Variants in PNPLA5 observed in about 807,000 individuals in gnomAD.
PNPLA5 encodes patatin-like phospholipase domain-containing protein 5.
A neutral mutation model predicts 49.1 loss-of-function variants in PNPLA5; 44 were observed. The observed-to-expected ratio is 0.90, with a 90% CI of 0.70 to 1.15. The LOEUF (loss-of-function observed/expected upper bound fraction) is 1.15. Among genes scored for constraint, PNPLA5 ranks in the 50% most tolerant of loss-of-function variants. The pLI, the probability that PNPLA5 is intolerant of heterozygous loss-of-function variation, is 0.00. For missense variants in PNPLA5, 603 were observed against 564.0 expected (o/e 1.07, Z -0.70); for synonymous variants, 243 against 244.4 (o/e 0.99, Z 0.06).
At position 43,880,280 on chromosome 22, in the gene PNPLA5, C is replaced by T. The variant is rs2049594413; in HGVS notation, c.*515G>A. 2 of 397,782 alleles carry T rather than the reference C, an allele frequency of 5.0e-6. No homozygotes were observed. Among genetic ancestry groups the T allele is most frequent in the Non-Finnish European group, 8.8e-6 (2 of 226,108 alleles). 24.6% of individuals were successfully genotyped at this position (397,782 alleles called of 1,614,324 possible). The stretch of plus-strand genomic sequence containing the variant: ...CTGCCAGGGCCTTCCACCCTCTGGA[C>T]CTGATAGGAATTCAGAAGTCAAGGT... On this transcript the variant is annotated 3_prime_UTR_variant, in exon 9 of 9. Coordinates refer to ENST00000216177, the MANE Select transcript of PNPLA5 (RefSeq NM_138814.4).
intron 7 of PNPLA5, 47 bp from the exon 8 acceptor site, chr22:43,881,721 G>A (rs377489963): frequency 6.3e-7 from 1 of 1,595,150 alleles, no homozygotes. Context: ...CCTGGGGTGT[G>A]GCCCCACCAA....
intron 2 of PNPLA5, 122 bp downstream of exon 2, chr22:43,890,940 G>GCCCCCCCCC: frequency 7.7e-7 from 1 of 1,298,162 alleles, no homozygotes; most frequent in Non-Finnish European, 1.0e-6. Context: ...CTACAAACAG[G>GCCCCCCCCC]TCCACCCGCC....
intron 5 of PNPLA5, among the ~76,000 whole-genome samples, chr22:43,887,268 GC>G (rs1450660212): frequency 6.6e-6 from 1 of 152,008 alleles, no homozygotes; most frequent in Non-Finnish European, 1.5e-5. Flanking sequence ...AGCCCTCCTT[GC>G]CTACCCCCAA....
intron 1 of PNPLA5, 182 bp downstream of exon 1, chr22:43,891,506 G>A: frequency 1.2e-6 from 1 of 868,926 alleles, no homozygotes; most frequent in Non-Finnish European, 1.4e-6. Context: ...TCTGAGCCAC[G>A]ATCCCTCCTC....
Position 43,891,176 on chromosome 22 carries a change from C to G in PNPLA5, c.312G>C (p.Leu104=). The change falls in exon 2 of 9, where the codon CTG becomes CTC. Residue 104 remains leucine (L), a synonymous_variant. Transcript: ENST00000216177. ...EHVKQQLQDA[L]PPDAHVLASQ... Reference sequence around the variant, plus strand: ...AGGCCAGGACGTGGGCGTCGGGGGGCAGAGCATCCTGCAGCTGCTGCTTGA... The same window carrying G: ...AGGCCAGGACGTGGGCGTCGGGGGGGAGAGCATCCTGCAGCTGCTGCTTGA... The G allele has an allele frequency of 1.3e-6, 2 of 1,597,782 alleles. No homozygotes were observed. The highest frequency in any genetic ancestry group is 1.7e-6 in the Non-Finnish European group (2 of 1,169,746).
chr22:43,891,392 C>T (rs2049722095), intron 1 of PNPLA5, 98 bp from the exon 2 acceptor site: 3 of 1,431,162 alleles, frequency 2.1e-6, no homozygotes, highest in Non-Finnish European at 9.1e-7. Flanking sequence ...GGAGCGGGGT[C>T]CTCCCCACTC....
rs1391393568 is a variant in PNPLA5, at chr22:43,891,175, G to T, written c.313C>A (p.Pro105Thr). 1.9e-6 allele frequency: 3 copies of T among 1,598,296 alleles called. No individual in the cohort carries two copies. The South Asian group carries it at 3.3e-5, about 18-fold the overall frequency. Residue 105 changes from proline (P) to threonine (T), a missense_variant, in exon 2 of 9, where the codon CCC (proline) becomes ACC (threonine). Pro to Thr is a conservative substitution (Grantham distance 38). Transcript: ENST00000216177. ...HVKQQLQDALPPDAHVLASQR... is the reference protein window; with the variant it reads ...HVKQQLQDALTPDAHVLASQR... ...GAGGCCAGGACGTGGGCGTCGGGGG[G>T]CAGAGCATCCTGCAGCTGCTGCTTG...
intron 6 of PNPLA5, 74 bp downstream of exon 6, chr22:43,886,229 A>C: frequency 1.3e-6 from 2 of 1,504,702 alleles, no homozygotes; most frequent in South Asian, 2.7e-5. Context: ...GAGTGCCTTC[A>C]AGGCAGGGTC....
intron 8 of PNPLA5, 29 bp downstream of exon 8, chr22:43,881,528 CT>C (rs1603412142): frequency 6.5e-7 from 1 of 1,547,436 alleles, no homozygotes; most frequent in Non-Finnish European, 8.7e-7. Context: ...CAGCCACCCC[CT>C]CTCCATCCCT....
chr22:43,891,316 G>A, intron 1 of PNPLA5, 22 bp from the exon 2 acceptor site: 5 of 1,542,670 alleles, frequency 3.2e-6, no homozygotes, highest in Non-Finnish European at 3.5e-6. Context: ...GCAGGGAAAG[G>A]GAGACCTCAG....
chr22:43,888,210 C>T (rs553785280), intron 4 of PNPLA5, among the ~76,000 whole-genome samples: 2 of 152,290 alleles, frequency 1.3e-5, no homozygotes, highest in Admixed American at 6.5e-5. Context: ...AGTGCCTCAG[C>T]TTCCTTATCT....
chr22:43,888,793 A>G (rs567768484), intron 4 of PNPLA5, among the ~76,000 whole-genome samples: 4 of 152,266 alleles, frequency 2.6e-5, no homozygotes, highest in South Asian at 4.1e-4. Context: ...ACCAAGGGGT[A>G]AAAAAACGCT....
At chr22:43,891,548 C>A (rs2049723384) in intron 1 of PNPLA5, 140 bp downstream of exon 1, 1 of 1,274,900 alleles carries the variant, frequency 7.8e-7, no homozygotes, top group South Asian at 1.6e-5. Flanking sequence ...CCCCAGCACT[C>A]GGTGTTCTCA....
At chr22:43,889,991 G>A in intron 2 of PNPLA5, 127 bp from the exon 3 acceptor site, 3 of 1,460,526 alleles carry the variant, frequency 2.1e-6, no homozygotes, top group Non-Finnish European at 2.7e-6. Context: ...CCAGATGAGG[G>A]AGCTGAGGCA....
chr22:43,883,265 G>A lies in PNPLA5; in HGVS notation c.1082+948C>T, dbSNP rs111521217. ...GAAGCCAGTGTAGACCTCTCCCAGG[G>A]AACCTCTAGGTGGCGCTGTAGTTAC... is the stretch of plus-strand genomic sequence containing the variant. On this transcript the variant is annotated intron_variant, in intron 7 of 8. Coordinates refer to ENST00000216177, the MANE Select transcript of PNPLA5 (RefSeq NM_138814.4). Among the ~76,000 whole-genome samples, 83 of 152,294 alleles carry A rather than the reference G, an allele frequency of 5.4e-4. No individual in the cohort carries two copies. In the Middle Eastern group the frequency reaches 0.031, roughly 56 times the overall value.
intron 7 of PNPLA5, among the ~76,000 whole-genome samples, chr22:43,883,686 C>T (rs1262657729): frequency 2.6e-5 from 4 of 152,102 alleles, no homozygotes; most frequent in Non-Finnish European, 2.9e-5. Context: ...CGGTGGGCAC[C>T]TGTGGTCCCA....
rs2049638887 is a variant in PNPLA5 at position 43,884,220 on chromosome 22, TGCGGAAGTAGATGTACTCGAAGG to T, written c.1052_1074del (p.Pro351GlnfsTer62). 4 of 1,552,042 alleles carry T rather than the reference TGCGGAAGTAGATGTACTCGAAGG, an allele frequency of 2.6e-6. No homozygotes were observed. Among genetic ancestry groups the T allele is most frequent in the Non-Finnish European group, 3.5e-6 (4 of 1,145,780 alleles). On this transcript the variant is annotated frameshift_variant, in exon 7 of 9. Coordinates refer to ENST00000216177, the MANE Select transcript of PNPLA5 (RefSeq NM_138814.4). LOFTEE classifies it high-confidence loss of function. ...CCCCTGGCCGAGCCTTACCTTCTGCTGCGGAAGTAGATGTACTCGAAGGGCAGTGTGCAGGGTAGCAGCAGGTA... is the reference window on the plus strand; with the variant it reads ...CCCCTGGCCGAGCCTTACCTTCTGCTGCAGTGTGCAGGGTAGCAGCAGGTA...
At chr22:43,888,316 C>G (rs751109128) in intron 4 of PNPLA5, among the ~76,000 whole-genome samples, 3 of 148,826 alleles carry the variant, frequency 2.0e-5, no homozygotes, top group Admixed American at 6.7e-5. Flanking sequence ...AAGCACTACA[C>G]AAACCTGAGA....
chr22:43,887,064 C>A (rs1411319629), intron 5 of PNPLA5, among the ~76,000 whole-genome samples: 1 of 133,948 alleles, frequency 7.5e-6, no homozygotes, highest in Admixed American at 7.9e-5. Context: ...CACCCACTGC[C>A]CCATGAACAC....
Sources: allele counts gnomAD v4.1 joint callset (sites outside exome capture counted in the v4.1 genomes callset), GRCh38; gene constraint gnomAD v4.1.1; transcripts MANE v1.5; gene names NCBI Gene and HGNC (gene_info 2026-07-23, HGNC 2026-07-21).